ADGRA1: variants seen among roughly 807,000 people sequenced by gnomAD.
The protein encoded by ADGRA1 is adhesion G protein-coupled receptor A1.
ADGRA1 carries 12 observed loss-of-function variants against 21.3 expected under a neutral mutation model. The observed-to-expected ratio is 0.56, with a 90% CI of 0.36 to 0.91. The LOEUF (loss-of-function observed/expected upper bound fraction) is 0.91. ADGRA1 is among the 40% of genes least tolerant of loss of function. ADGRA1 has a pLI of 0.01. For missense variants in ADGRA1, 790 were observed against 805.6 expected, an observed-to-expected ratio of 0.98 and a Z score of 0.23; for synonymous variants, 385 against 368.8, an observed-to-expected ratio of 1.04 and a Z score of -0.50.
rs1038843000 is a variant in ADGRA1 at position 133,115,557 on chromosome 10, G to A, written c.402-11676G>A. On this transcript the variant is annotated intron_variant, in intron 5 of 6. Transcript: ENST00000392607. ...CCTGGCCCATGCTTGGCAGAAGGGCGCGCAGTGCTAGCCAGCCACCTCCTT... is the reference window on the plus strand; with the variant it reads ...CCTGGCCCATGCTTGGCAGAAGGGCACGCAGTGCTAGCCAGCCACCTCCTT... Among the ~76,000 whole-genome samples the A allele has an allele frequency of 6.6e-5, 10 of 152,334 alleles. 1 individual carries two copies. Among genetic ancestry groups the A allele is most frequent in the South Asian group, 2.1e-4 (1 of 4,832 alleles).
intron 2 of ADGRA1, among the ~76,000 whole-genome samples, chr10:133,094,290 A>G (rs1345737304): frequency 6.6e-6 from 1 of 152,112 alleles, no homozygotes; most frequent in African/African-American, 2.4e-5. Flanking sequence ...GCTTAACATG[A>G]AGGGGTTTGT....
chr10:133,124,858 G>GGCCCCA (rs1564854771), intron 5 of ADGRA1, among the ~76,000 whole-genome samples: 1 of 151,440 alleles, frequency 6.6e-6, no homozygotes, highest in Non-Finnish European at 1.5e-5. Flanking sequence ...CCCCGGCCCC[G>GGCCCCA]CGCCTGCACG....
At chr10:133,111,466 A>G (rs71484052) in intron 5 of ADGRA1, among the ~76,000 whole-genome samples, 1 of 42,910 alleles carries the variant, frequency 2.3e-5, no homozygotes. Context: ...CAACCTGCCC[A>G]CCACGGACAC....
intron 2 of ADGRA1, among the ~76,000 whole-genome samples, chr10:133,096,235 T>C (rs1394262339): frequency 6.6e-6 from 1 of 152,162 alleles, no homozygotes. Context: ...CTCCCCAGCC[T>C]GTGCACCCCT....
intron 4 of ADGRA1, among the ~76,000 whole-genome samples, chr10:133,101,737 T>A (rs1258627889): frequency 6.6e-6 from 1 of 152,146 alleles, no homozygotes; most frequent in Non-Finnish European, 1.5e-5. Flanking sequence ...GCCTAGGCAC[T>A]GGGATGGGAC....
intron 2 of ADGRA1, chr10:133,093,087 C>A: frequency 6.3e-7 from 1 of 1,597,036 alleles, no homozygotes; most frequent in Non-Finnish European, 8.5e-7. Context: ...CCAGTTGGAG[C>A]TGCAGACCTA....
intron 4 of ADGRA1, among the ~76,000 whole-genome samples, chr10:133,100,010 G>A (rs1019959544): frequency 5.3e-5 from 8 of 152,328 alleles, no homozygotes; most frequent in Middle Eastern, 3.4e-3. Context: ...CCACGGCCAC[G>A]GGCTTCCTTC....
At chr10:133,122,641 C>T (rs1852293485) in intron 5 of ADGRA1, among the ~76,000 whole-genome samples, 2 of 152,220 alleles carry the variant, frequency 1.3e-5, no homozygotes, top group Admixed American at 6.5e-5. Flanking sequence ...ACCAGCACCG[C>T]CCAGGAACCT....
chr10:133,102,978 T>G, intron 5 of ADGRA1, 136 bp downstream of exon 5: 1 of 988,670 alleles, frequency 1.0e-6, no homozygotes, highest in Non-Finnish European at 1.4e-6. Flanking sequence ...AGGGTCAGTG[T>G]TCCCAGGGAG....
intron 5 of ADGRA1, among the ~76,000 whole-genome samples, chr10:133,121,929 GC>G (rs966234606): frequency 3.2e-4 from 49 of 151,310 alleles, no homozygotes; most frequent in Admixed American, 5.9e-4. Flanking sequence ...TGTCCAGTGT[GC>G]CAGTGTGTGT....
chr10:133,092,466 A>G (rs1455762672), intron 2 of ADGRA1, among the ~76,000 whole-genome samples: 1 of 152,194 alleles, frequency 6.6e-6, no homozygotes, highest in Non-Finnish European at 1.5e-5. Flanking sequence ...ATCATAACGC[A>G]CCTTACAAAC....
At chr10:133,112,689 ACGGGCCACGTCAGTTATTTGG>A (rs1852071309) in intron 5 of ADGRA1, among the ~76,000 whole-genome samples, 10 of 22,252 alleles carry the variant, frequency 4.5e-4, no homozygotes, top group East Asian at 2.3e-3. Flanking sequence ...TTTGGGGTCT[ACGGGCCACGTCAGTTATTTGG>A]GGTCTGCGGG....
chr10:133,128,651 C>A lies in ADGRA1; in HGVS notation c.823C>A (p.Leu275Met). ...LFTATWAFGA[L>M]AVSQGHFLDM... ...CACGGCCACGTGGGCCTTCGGGGCGCTGGCGGTGTCACAGGGCCACTTCCT... is the reference window on the plus strand; with the variant it reads ...CACGGCCACGTGGGCCTTCGGGGCGATGGCGGTGTCACAGGGCCACTTCCT... Residue 275 changes from leucine (L) to methionine (M), a missense_variant, in exon 7 of 7, where the codon CTG becomes ATG. Transcript: ENST00000392607. 10 of 1,609,024 alleles carry A rather than the reference C, an allele frequency of 6.2e-6. No individual in the cohort carries two copies. Among genetic ancestry groups the A allele is most frequent in the Non-Finnish European group, 5.9e-6 (7 of 1,178,926 alleles).
chr10:133,127,981 T>C (rs2806451), intron 6 of ADGRA1, among the ~76,000 whole-genome samples: 13,779 of 33,462 alleles, frequency 0.41, 3,577 homozygotes, highest in Middle Eastern at 0.59. Context: ...CCACCCCACT[T>C]CACCTCTTCC....
At chr10:133,110,707 A>G (rs964266668) in intron 5 of ADGRA1, among the ~76,000 whole-genome samples, 9 of 152,232 alleles carry the variant, frequency 5.9e-5, no homozygotes, top group Non-Finnish European at 1.2e-4. Flanking sequence ...CTTTGTACAC[A>G]AAACAAAAGC....
rs749234666 is a variant in ADGRA1 at position 133,128,867 on chromosome 10, C to T, written c.1039C>T (p.Pro347Ser). The T allele has an allele frequency of 3.2e-6, 5 of 1,577,360 alleles. No individual in the cohort carries two copies. In the Admixed American group the frequency reaches 8.9e-5, roughly 28 times the overall value. Residue 347 changes from proline to serine, a missense_variant, in exon 7 of 7, where the codon CCG (proline) becomes TCG (serine). Transcript: ENST00000392607. ...GGGCCGCGCCGCCTGCCTGCACTCG[C>T]CGGGACTGGGCCAGCCACGGGGCTT... Reference protein sequence around the residue: ...ALGRAACLHSPGLGQPRGFAH... With the variant: ...ALGRAACLHSSGLGQPRGFAH...
intron 2 of ADGRA1, 51 bp downstream of exon 2, chr10:133,088,963 G>C (rs1591162860): frequency 8.1e-7 from 1 of 1,236,056 alleles, no homozygotes; most frequent in East Asian, 3.1e-5. Flanking sequence ...GGCCGCTGCG[G>C]GGGGGCGGCC....
intron 5 of ADGRA1, among the ~76,000 whole-genome samples, chr10:133,125,372 C>T (rs1043915761): frequency 6.6e-6 from 1 of 152,012 alleles, no homozygotes; most frequent in African/African-American, 2.4e-5. Context: ...TTCTCCTTTA[C>T]TTCCTTCTTT....
intron 5 of ADGRA1, 82 bp from the exon 6 acceptor site, chr10:133,127,151 C>G (rs531708271): frequency 2.4e-4 from 210 of 860,044 alleles, no homozygotes; most frequent in Non-Finnish European, 3.2e-4. Context: ...TCCCTTGCCC[C>G]GCGGAGTGGG....
Sources: allele counts gnomAD v4.1 joint callset (sites outside exome capture counted in the v4.1 genomes callset), GRCh38; gene constraint gnomAD v4.1.1; transcripts MANE v1.5; gene names NCBI Gene and HGNC (gene_info 2026-07-23, HGNC 2026-07-21).